The following AFAP1L2 variants were observed in gnomAD, a reference collection of about 807,000 sequenced individuals.
The protein encoded by AFAP1L2 is actin filament associated protein 1 like 2.
Under a neutral mutation model 99.3 loss-of-function variants are expected in AFAP1L2, and 46 were observed. The ratio of observed to expected loss-of-function variants is 0.46; its 90% CI spans 0.37 to 0.59. The LOEUF (loss-of-function observed/expected upper bound fraction) is 0.59. AFAP1L2 is among the 20% of genes least tolerant of loss of function. The pLI, the probability that AFAP1L2 is intolerant of heterozygous loss-of-function variation, is 0.00. For missense variants in AFAP1L2, 959 were observed against 1,034.9 expected, an observed-to-expected ratio of 0.93 and a Z score of 1.01; for synonymous variants, 397 against 419.1, an observed-to-expected ratio of 0.95 and a Z score of 0.64.
intron 1 of AFAP1L2, among the ~76,000 whole-genome samples, chr10:114,392,419 G>T (rs141763580): frequency 7.9e-5 from 12 of 152,246 alleles, no homozygotes; most frequent in African/African-American, 2.9e-4. Context: ...AAAAGGGTTT[G>T]TGTGCATCCA....
At chr10:114,332,397 G>C (rs748836470) in intron 3 of AFAP1L2, among the ~76,000 whole-genome samples, 11 of 152,340 alleles carry the variant, frequency 7.2e-5, no homozygotes, top group Non-Finnish European at 1.3e-4. Context: ...GGTGCACTTG[G>C]AAGGAAAGGT....
the AFAP1L2 span, chr10:114,282,659 A>AGGG: frequency 8.3e-7 from 1 of 1,212,008 alleles, no homozygotes. Flanking sequence ...CCTGGGACAG[A>AGGG]GGGTGGGGTT....
chr10:114,396,290 T>C (rs2057711093), intron 1 of AFAP1L2, among the ~76,000 whole-genome samples: 1 of 152,008 alleles, frequency 6.6e-6, no homozygotes, highest in Non-Finnish European at 1.5e-5. Context: ...AAATTCAACA[T>C]GGGCTTTGAT....
intron 2 of AFAP1L2, among the ~76,000 whole-genome samples, chr10:114,334,006 G>A (rs2047577885): frequency 6.6e-6 from 1 of 152,138 alleles, no homozygotes; most frequent in Non-Finnish European, 1.5e-5. Context: ...CTGAAGACCT[G>A]GAAGTTTAGT....
chr10:114,385,210 A>G (rs970028612), intron 1 of AFAP1L2, among the ~76,000 whole-genome samples: 1 of 152,188 alleles, frequency 6.6e-6, no homozygotes, highest in African/African-American at 2.4e-5. Flanking sequence ...ACATGGAGAC[A>G]GGAGGGCAGG....
intron 1 of AFAP1L2, among the ~76,000 whole-genome samples, chr10:114,373,777 G>A (rs544936165): frequency 1.3e-4 from 20 of 152,220 alleles, no homozygotes; most frequent in African/African-American, 4.1e-4. Context: ...TCAAGGCCAC[G>A]GCCCCAGAGC....
chr10:114,394,922 A>G (rs1047901931), intron 1 of AFAP1L2, among the ~76,000 whole-genome samples: 1 of 152,140 alleles, frequency 6.6e-6, no homozygotes, highest in Admixed American at 6.5e-5. Flanking sequence ...GAACCGTCAC[A>G]GCACAACTGT....
At chr10:114,394,150 C>T (rs1174973537) in intron 1 of AFAP1L2, among the ~76,000 whole-genome samples, 1 of 152,134 alleles carries the variant, frequency 6.6e-6, no homozygotes, top group East Asian at 1.9e-4. Context: ...GGGGGGACGA[C>T]CGGCAAAGCC....
rs1374842158 is a variant in AFAP1L2 at position 114,365,295 on chromosome 10, C to T, written c.17-24564G>A. Reference sequence around the variant, plus strand: ...AACCCCCAGGCATACGCTCGTGGCTCCTCCAGGGAGTCTAGTTGGTACTGT... The same window carrying T: ...AACCCCCAGGCATACGCTCGTGGCTTCTCCAGGGAGTCTAGTTGGTACTGT... On this transcript the variant is annotated intron_variant, in intron 1 of 18. Coordinates refer to ENST00000304129, the MANE Select transcript of AFAP1L2 (RefSeq NM_001001936.3). Among the ~76,000 whole-genome samples, 3 of 152,154 alleles carry T rather than the reference C, an allele frequency of 2.0e-5. No homozygotes were observed. In the East Asian group the frequency reaches 5.8e-4, roughly 29 times the overall value.
intron 1 of AFAP1L2, among the ~76,000 whole-genome samples, chr10:114,379,001 C>T (rs770619666): frequency 1.3e-5 from 2 of 152,110 alleles, no homozygotes; most frequent in Non-Finnish European, 1.5e-5. Flanking sequence ...CGCCTGAGGT[C>T]AGGAGTTCAA....
chr10:114,325,905 A>G, intron 4 of AFAP1L2: 4 of 1,289,194 alleles, frequency 3.1e-6, no homozygotes, highest in Non-Finnish European at 4.0e-6. Context: ...AGGTCTCCCC[A>G]GTGGGTCCCA....
At chr10:114,314,315 C>A (rs1384108805) in intron 6 of AFAP1L2, among the ~76,000 whole-genome samples, 1 of 152,214 alleles carries the variant, frequency 6.6e-6, no homozygotes, top group African/African-American at 2.4e-5. Flanking sequence ...ATGCTGCCAT[C>A]CAAATGGCTC....
At chr10:114,302,661 G>GATA (rs1369074753) in intron 11 of AFAP1L2, among the ~76,000 whole-genome samples, 177 bp from the exon 12 acceptor site, 1 of 152,066 alleles carries the variant, frequency 6.6e-6, no homozygotes, top group Non-Finnish European at 1.5e-5. Flanking sequence ...AGTGGCCCCA[G>GATA]ATAATATTTC....
intron 4 of AFAP1L2, among the ~76,000 whole-genome samples, chr10:114,324,396 A>AAC (rs2045889580): frequency 3.2e-5 from 4 of 126,438 alleles, no homozygotes; most frequent in African/African-American, 1.5e-4. Flanking sequence ...GGGGTGCACC[A>AAC]CCCCCCCCCC....
intron 1 of AFAP1L2, among the ~76,000 whole-genome samples, chr10:114,397,938 C>G (rs555104585): frequency 2.0e-5 from 3 of 152,254 alleles, no homozygotes; most frequent in Admixed American, 1.3e-4. Flanking sequence ...AACAGCAGAA[C>G]AGGATTTCTA....
intron 11 of AFAP1L2, 33 bp from the exon 12 acceptor site, chr10:114,302,517 C>T: frequency 6.2e-7 from 1 of 1,612,552 alleles, no homozygotes; most frequent in Non-Finnish European, 8.5e-7. Context: ...ATAAGCAGGG[C>T]CAGGCAGTGC....
intron 1 of AFAP1L2, among the ~76,000 whole-genome samples, chr10:114,363,612 T>G (rs2052762612): frequency 6.6e-6 from 1 of 152,238 alleles, no homozygotes; most frequent in African/African-American, 2.4e-5. Flanking sequence ...TAAGTAACTT[T>G]CCTAACGTTA....
intron 2 of AFAP1L2, among the ~76,000 whole-genome samples, chr10:114,337,393 A>G (rs1393915973): frequency 6.6e-6 from 1 of 152,218 alleles, no homozygotes; most frequent in South Asian, 2.1e-4. Flanking sequence ...TATTGTACCT[A>G]CTCTGCAGTC....
chr10:114,392,337 C>T (rs987316869), intron 1 of AFAP1L2, among the ~76,000 whole-genome samples: 3 of 152,144 alleles, frequency 2.0e-5, no homozygotes, highest in African/African-American at 7.2e-5. Flanking sequence ...TGCAGTCAGC[C>T]ATGACAGTGC....
Sources: allele counts gnomAD v4.1 joint callset (sites outside exome capture counted in the v4.1 genomes callset), GRCh38; gene constraint gnomAD v4.1.1; transcripts MANE v1.5; gene names NCBI Gene and HGNC (gene_info 2026-07-23, HGNC 2026-07-21).